A1CF: variants seen among roughly 807,000 people sequenced by gnomAD.
A1CF encodes the protein APOBEC-1 stimulating protein.
Under a neutral mutation model 68.9 loss-of-function variants are expected in A1CF, and 48 were observed. The ratio of observed to expected loss-of-function variants is 0.70; its 90% confidence interval spans 0.55 to 0.89. The LOEUF is 0.89. Ranked by LOEUF, A1CF falls within the 40% of genes least tolerant of loss-of-function variation. The probability of loss-of-function intolerance (pLI) is 0.00; values close to 1 mark genes in which losing one functional copy is unlikely to be tolerated. For synonymous variants in A1CF, 272 were observed against 260.4 expected (o/e 1.04, Z -0.43); for missense variants, 653 against 718.9 (o/e 0.91, Z 1.05).
intron 1 of A1CF, among the ~76,000 whole-genome samples, chr10:50,865,770 T>G (rs1355214768): frequency 6.6e-6 from 1 of 152,244 alleles, no homozygotes; most frequent in Admixed American, 6.5e-5. Context: ...TGATGCTTTC[T>G]TTCTTTGACA....
At chr10:50,826,130 T>G (rs1426273367) in intron 7 of A1CF, among the ~76,000 whole-genome samples, 1 of 152,120 alleles carries the variant, frequency 6.6e-6, no homozygotes, top group Non-Finnish European at 1.5e-5. Flanking sequence ...GAGCAATCAT[T>G]GTACCCCAGG....
intron 5 of A1CF, among the ~76,000 whole-genome samples, chr10:50,836,696 C>A (rs1839514297): frequency 8.8e-6 from 1 of 114,000 alleles, no homozygotes; most frequent in African/African-American, 3.4e-5. Context: ...CCCCTCCCCC[C>A]ACCCCACAAC....
Position 50,877,056 on chromosome 10 carries a change from G to A in A1CF, c.-94+8525C>T, listed in dbSNP as rs534962978. ...ATACTCAACTATTCCCAAAATGCCT[G>A]ACTTCTAGAAGATTCCTGGGGAAGA... On this transcript the variant is annotated intron_variant, in intron 1 of 12. Transcript: ENST00000373997. 2.0e-5 allele frequency among the ~76,000 whole-genome samples: 3 copies of A among 152,242 alleles called. No homozygotes were observed. In the East Asian group the frequency reaches 5.8e-4, roughly 29 times the overall value.
chr10:50,846,080 A>G (rs560297138), intron 3 of A1CF, among the ~76,000 whole-genome samples: 16 of 152,334 alleles, frequency 1.1e-4, no homozygotes, highest in Admixed American at 2.0e-4. Context: ...TTGGAAGAAC[A>G]TATCTCATAT....
At chr10:50,841,822 T>C in intron 5 of A1CF, 40 bp downstream of exon 5, 1 of 1,605,488 alleles carries the variant, frequency 6.2e-7, no homozygotes, top group Non-Finnish European at 8.5e-7. Context: ...CACAGGTGCA[T>C]TGTTTGTTTC....
chr10:50,819,343 G>C (rs1458963771), intron 8 of A1CF, among the ~76,000 whole-genome samples: 1 of 152,050 alleles, frequency 6.6e-6, no homozygotes, highest in African/African-American at 2.4e-5. Context: ...GGCTGGTCTT[G>C]CACTCCTGGG....
At chr10:50,884,994 A>G (rs1395604315) in intron 1 of A1CF, among the ~76,000 whole-genome samples, 1 of 152,218 alleles carries the variant, frequency 6.6e-6, no homozygotes, top group Non-Finnish European at 1.5e-5. Context: ...GTCATTTTCC[A>G]TAATATTTTT....
At chr10:50,842,019 A>G (rs1839805819) in intron 4 of A1CF, 27 bp from the exon 5 acceptor site, 1 of 1,575,158 alleles carries the variant, frequency 6.3e-7, no homozygotes, top group Non-Finnish European at 8.7e-7. Flanking sequence ...TAGAACATTT[A>G]TATTTATACG....
Position 50,805,880 on chromosome 10 carries a change from TTAGG to T in A1CF, c.*845_*848del, listed in dbSNP as rs1222548427. 6.6e-6 allele frequency: 1 copy of T among 152,112 alleles called. No individual in the cohort carries two copies. The highest frequency in any genetic ancestry group is 2.4e-5 in the African/African-American group (1 of 41,430). 9.4% of individuals were successfully genotyped at this position (152,112 alleles called of 1,614,324 possible). A position where few individuals can be genotyped will look rare whatever the true frequency, so the allele number is the denominator to read the frequency against. ...ATATCTGATTTACTTTTTTATGATA[TTAGG>T]TAGGAGAAAAATGAGTCTGAGATGA... On this transcript the variant is annotated 3_prime_UTR_variant, in exon 13 of 13. Coordinates refer to ENST00000373997, the MANE Select transcript of A1CF (RefSeq NM_014576.4).
Position 50,841,948 on chromosome 10 carries a change from G to A in A1CF, c.279C>T (p.Gly93=), listed in dbSNP as rs752573363. ...TTACAAATGCATATCCTCTATTGTT[G>A]CCATTAAAATCCATCATCATTCTCA... ...YEMRMMMDFN[G]NNRGYAFVTF... The change falls in exon 5 of 13, where the codon GGC becomes GGT. Residue 93 remains glycine (G), a synonymous_variant. Transcript: ENST00000373997. The A allele has an allele frequency of 2.5e-6, 4 of 1,611,684 alleles. No individual in the cohort carries two copies. The highest frequency in any genetic ancestry group is 3.4e-6 in the Non-Finnish European group (4 of 1,178,732).
intron 2 of A1CF, 101 bp downstream of exon 2, chr10:50,863,932 C>A (rs1307770055): frequency 6.6e-6 from 1 of 152,132 alleles, no homozygotes; most frequent in Non-Finnish European, 1.5e-5. Flanking sequence ...CTGATTTGAT[C>A]ATTACACATT....
intron 11 of A1CF, among the ~76,000 whole-genome samples, chr10:50,810,713 T>C (rs1838066763): frequency 6.6e-6 from 1 of 152,232 alleles, no homozygotes; most frequent in Non-Finnish European, 1.5e-5. Context: ...GGTTTCACCA[T>C]GTTGGCCAGG....
Position 50,860,318 on chromosome 10 carries a change from G to T in A1CF, c.-45-333C>A, listed in dbSNP as rs182873373. Reference sequence around the variant, plus strand: ...CTCACATCTATTAAAAGAATATGAAGAATGTTCCTTACAGACGTGAGAAGA... The same window carrying T: ...CTCACATCTATTAAAAGAATATGAATAATGTTCCTTACAGACGTGAGAAGA... On this transcript the variant is annotated intron_variant, in intron 2 of 12. Coordinates refer to ENST00000373997, the MANE Select transcript of A1CF (RefSeq NM_014576.4). Among the ~76,000 whole-genome samples, 3 of 152,266 alleles carry T rather than the reference G, an allele frequency of 2.0e-5. No individual in the cohort carries two copies. In the East Asian group the frequency reaches 5.8e-4, roughly 29 times the overall value.
At chr10:50,832,369 A>G (rs1839288075) in intron 6 of A1CF, among the ~76,000 whole-genome samples, 1 of 152,082 alleles carries the variant, frequency 6.6e-6, no homozygotes. Context: ...TGGACTACCT[A>G]CCCTTCCCAA....
At chr10:50,871,909 C>A (rs1841286416) in intron 1 of A1CF, among the ~76,000 whole-genome samples, 1 of 151,874 alleles carries the variant, frequency 6.6e-6, no homozygotes. Flanking sequence ...AAAAGACTAG[C>A]AGATTTGACT....
intron 3 of A1CF, among the ~76,000 whole-genome samples, chr10:50,853,975 T>G (rs1447136796): frequency 6.6e-6 from 1 of 152,058 alleles, no homozygotes; most frequent in Non-Finnish European, 1.5e-5. Context: ...TATATCAATA[T>G]TAAACAAATT....
intron 5 of A1CF, 41 bp from the exon 6 acceptor site, chr10:50,836,353 T>C (rs1216322480): frequency 2.5e-6 from 4 of 1,575,048 alleles, no homozygotes; most frequent in Non-Finnish European, 3.5e-6. Context: ...AGAATCCTTG[T>C]AGGATTCAGG....
At chr10:50,858,368 A>T (rs1034374155) in intron 3 of A1CF, among the ~76,000 whole-genome samples, 6 of 152,102 alleles carry the variant, frequency 3.9e-5, no homozygotes, top group Non-Finnish European at 5.9e-5. Context: ...GATAATTTAT[A>T]TTGTTTTAGG....
intron 1 of A1CF, among the ~76,000 whole-genome samples, chr10:50,867,523 A>C (rs2132561499): frequency 6.6e-6 from 1 of 152,262 alleles, no homozygotes; most frequent in South Asian, 2.1e-4. Context: ...TAGACAATGG[A>C]GATTTGGAAG....
Sources: allele counts gnomAD v4.1 joint callset (sites outside exome capture counted in the v4.1 genomes callset), GRCh38; gene constraint gnomAD v4.1.1; transcripts MANE v1.5; gene names NCBI Gene and HGNC (gene_info 2026-07-23, HGNC 2026-07-21).